The following CCDC178 variants were observed in gnomAD, a reference collection of about 807,000 sequenced individuals.
CCDC178 encodes the protein coiled-coil domain-containing protein 178.
A neutral mutation model predicts 117.4 loss-of-function variants in CCDC178; 126 were observed. The observed-to-expected ratio is 1.07, with a 90% CI of 0.93 to 1.24. CCDC178 has a LOEUF of 1.24. Among genes scored for constraint, CCDC178 ranks in the 50% most tolerant of loss-of-function variants. The pLI, the probability that CCDC178 is intolerant of heterozygous loss-of-function variation, is 0.00. For missense variants in CCDC178, 1,030 were observed against 986.9 expected (o/e 1.04, Z -0.59); for synonymous variants, 283 against 313.4 (o/e 0.90, Z 1.02).
At chr18:33,412,402 T>C (rs1472009068) in intron 2 of CCDC178, among the ~76,000 whole-genome samples, 1 of 151,992 alleles carries the variant, frequency 6.6e-6, no homozygotes, top group Non-Finnish European at 1.5e-5. Flanking sequence ...TAGCTATGGG[T>C]TCACAGCCCT....
chr18:33,346,434 CA>C, intron 8 of CCDC178, 23 bp from the exon 9 acceptor site: 1 of 1,520,622 alleles, frequency 6.6e-7, no homozygotes, highest in South Asian at 1.1e-5. Context: ...TAAATATTCA[CA>C]TTTGTTAATA....
intron 22 of CCDC178, among the ~76,000 whole-genome samples, chr18:32,947,787 AGTT>A (rs771879029): frequency 4.6e-5 from 7 of 152,102 alleles, no homozygotes; most frequent in Non-Finnish European, 1.0e-4. Context: ...GCCAATCCCA[AGTT>A]CATAAAGGTA....
At chr18:32,985,000 T>G (rs918435449) in intron 21 of CCDC178, among the ~76,000 whole-genome samples, 2 of 151,940 alleles carry the variant, frequency 1.3e-5, no homozygotes, top group Non-Finnish European at 2.9e-5. Context: ...CCACAGTATA[T>G]CTTTATAGTC....
intron 19 of CCDC178, among the ~76,000 whole-genome samples, chr18:33,212,940 C>T (rs550777593): frequency 1.3e-5 from 2 of 152,112 alleles, no homozygotes; most frequent in Non-Finnish European, 2.9e-5. Context: ...TCAACACAGT[C>T]TTATTCTATC....
At chr18:33,093,945 T>A (rs1229302489) in intron 20 of CCDC178, among the ~76,000 whole-genome samples, 1 of 152,042 alleles carries the variant, frequency 6.6e-6, no homozygotes, top group African/African-American at 2.4e-5. Flanking sequence ...CAATTAAAAT[T>A]GTTTCTTTGT....
chr18:33,390,427 A>AC (rs1393392111), intron 4 of CCDC178, among the ~76,000 whole-genome samples: 1 of 152,086 alleles, frequency 6.6e-6, no homozygotes, highest in Non-Finnish European at 1.5e-5. Context: ...ACTGGAAACA[A>AC]CCTAAATGTC....
At chr18:32,986,457 C>A (rs1050927476) in intron 21 of CCDC178, among the ~76,000 whole-genome samples, 2 of 152,016 alleles carry the variant, frequency 1.3e-5, no homozygotes, top group African/African-American at 2.4e-5. Context: ...GATCTATTAA[C>A]TTCTAGTCAA....
intron 5 of CCDC178, among the ~76,000 whole-genome samples, chr18:33,384,855 C>T (rs2063476346): frequency 6.6e-6 from 1 of 152,170 alleles, no homozygotes; most frequent in Non-Finnish European, 1.5e-5. Context: ...ATCAAATTCA[C>T]ACATAACAAT....
At chr18:32,942,803 C>T (rs190546655) in intron 22 of CCDC178, among the ~76,000 whole-genome samples, 3 of 152,252 alleles carry the variant, frequency 2.0e-5, no homozygotes, top group Non-Finnish European at 4.4e-5. Context: ...AAGTAAGAGA[C>T]ATGACTTTTC....
At position 33,039,282 on chromosome 18, in the gene CCDC178, G is replaced by A. The variant is rs188437575; in HGVS notation, c.2388+53479C>T. ...TAGAATGAAAACAGAAGGAAGAAAT[G>A]ATGAGAGGACAATAAAAACCACCTT... On this transcript the variant is annotated intron_variant, in intron 21 of 22. Coordinates refer to ENST00000383096, the MANE Select transcript of CCDC178 (RefSeq NM_001105528.4). Among the ~76,000 whole-genome samples the A allele has an allele frequency of 3.5e-3, 533 of 152,098 alleles. 1 individual carries two copies. Among genetic ancestry groups the A allele is most frequent in the Non-Finnish European group, 6.3e-3 (428 of 67,928 alleles).
intron 9 of CCDC178, among the ~76,000 whole-genome samples, chr18:33,338,803 G>A (rs932028033): frequency 1.3e-5 from 2 of 152,020 alleles, no homozygotes; most frequent in Admixed American, 6.6e-5. Flanking sequence ...AATGTACAGT[G>A]ATAAGTGCAC....
intron 21 of CCDC178, among the ~76,000 whole-genome samples, chr18:33,034,599 G>A (rs1376390163): frequency 2.0e-5 from 3 of 152,108 alleles, no homozygotes; most frequent in East Asian, 3.9e-4. Context: ...GCTTGGAAAA[G>A]CTCTTTTTCC....
At position 33,141,080 on chromosome 18, in the gene CCDC178, G is replaced by A. The variant is rs531340760; in HGVS notation, c.2239-48170C>T. Among the ~76,000 whole-genome samples, 311 of 152,112 alleles carry A rather than the reference G, an allele frequency of 2.0e-3. 1 individual carries two copies. Among genetic ancestry groups the A allele is most frequent in the African/African-American group, 6.9e-3 (287 of 41,482 alleles). Reference sequence around the variant, plus strand: ...CATGACTTGCTCCTCCTTGCCTTCCGCCATGATTGTGAGGCCTCCCCAGCC... The same window carrying A: ...CATGACTTGCTCCTCCTTGCCTTCCACCATGATTGTGAGGCCTCCCCAGCC... On this transcript the variant is annotated intron_variant, in intron 20 of 22. Coordinates refer to ENST00000383096, the MANE Select transcript of CCDC178 (RefSeq NM_001105528.4).
chr18:33,081,951 A>C (rs2057304907), intron 21 of CCDC178, among the ~76,000 whole-genome samples: 1 of 152,182 alleles, frequency 6.6e-6, no homozygotes, highest in Non-Finnish European at 1.5e-5. Flanking sequence ...TGACAAAAGG[A>C]AAGTATTTTT....
rs531955858 is a variant in CCDC178, at chr18:33,127,687, G to T, written c.2239-34777C>A. Among the ~76,000 whole-genome samples the T allele has an allele frequency of 4.3e-4, 66 of 152,176 alleles. No homozygotes were observed. In the South Asian group the frequency reaches 0.013, roughly 31 times the overall value. On this transcript the variant is annotated intron_variant, in intron 20 of 22. Transcript: ENST00000383096. ...CTGATCTCGTAATCCACCTTCCTCG[G>T]CCTCTCAAAGTGCTGGGATTACAGG...
intron 18 of CCDC178, among the ~76,000 whole-genome samples, chr18:33,221,660 G>A (rs1456119745): frequency 6.6e-6 from 1 of 152,048 alleles, no homozygotes; most frequent in African/African-American, 2.4e-5. Flanking sequence ...GACTCCCATA[G>A]GGAATCACAT....
intron 2 of CCDC178, among the ~76,000 whole-genome samples, chr18:33,414,127 T>C (rs2061444931): frequency 6.6e-6 from 1 of 152,178 alleles, no homozygotes; most frequent in Non-Finnish European, 1.5e-5. Flanking sequence ...TTAACATCTT[T>C]ATAAATCGAT....
chr18:32,953,244 C>T (rs2054527343), intron 22 of CCDC178, among the ~76,000 whole-genome samples: 1 of 152,228 alleles, frequency 6.6e-6, no homozygotes, highest in East Asian at 1.9e-4. Flanking sequence ...GACCTTTGCA[C>T]TAGTTCCTAA....
intron 5 of CCDC178, among the ~76,000 whole-genome samples, chr18:33,379,392 A>G (rs1336502547): frequency 2.0e-5 from 3 of 152,012 alleles, no homozygotes; most frequent in African/African-American, 7.3e-5. Context: ...CGTGGCAGCC[A>G]GCTGTGGCCA....
Sources: allele counts gnomAD v4.1 joint callset (sites outside exome capture counted in the v4.1 genomes callset), GRCh38; gene constraint gnomAD v4.1.1; transcripts MANE v1.5; gene names NCBI Gene and HGNC (gene_info 2026-07-23, HGNC 2026-07-21).